PDK1: variants seen among roughly 807,000 people sequenced by gnomAD.
The protein encoded by PDK1 is pyruvate dehydrogenase kinase 1.
In PDK1, 39 loss-of-function variants were observed where a neutral mutation model predicts 54.2. The ratio of observed to expected loss-of-function variants is 0.72; its 90% CI spans 0.56 to 0.94. The LOEUF is 0.94. Among genes scored for constraint, PDK1 ranks in the 40% least tolerant of loss-of-function variants. The pLI is 0.00. For synonymous variants in PDK1, 221 were observed against 207.1 expected (o/e 1.07, Z -0.58); for missense variants, 552 against 566.0 (o/e 0.98, Z 0.25).
chr2:172,669,538 A>G, the PDK1 span, among the ~76,000 whole-genome samples: 1 of 152,092 alleles, frequency 6.6e-6, no homozygotes, highest in Non-Finnish European at 1.5e-5. Flanking sequence ...CTATATACCC[A>G]CTAGTGGGCT....
At chr2:172,666,090 TG>T in the PDK1 span, among the ~76,000 whole-genome samples, 1 of 152,216 alleles carries the variant, frequency 6.6e-6, no homozygotes, top group East Asian at 1.9e-4. Context: ...AATTAAGGCC[TG>T]ATGTTTTAGG....
chr2:172,632,024 C>A, the PDK1 span, among the ~76,000 whole-genome samples: 1 of 151,914 alleles, frequency 6.6e-6, no homozygotes, highest in South Asian at 2.1e-4. Context: ...ACCTGTAATC[C>A]CAGCACTTTG....
chr2:172,619,062 C>G, the PDK1 span, among the ~76,000 whole-genome samples: 1 of 152,190 alleles, frequency 6.6e-6, no homozygotes, highest in Non-Finnish European at 1.5e-5. Context: ...TCCTAGTACT[C>G]ATACATTTCT....
At chr2:172,634,544 A>G in the PDK1 span, among the ~76,000 whole-genome samples, 2 of 151,898 alleles carry the variant, frequency 1.3e-5, no homozygotes, top group African/African-American at 2.4e-5. Context: ...AAGTGCTGGG[A>G]TGCCAGGCGT....
At chr2:172,712,661 C>T in the PDK1 span, among the ~76,000 whole-genome samples, 3 of 152,144 alleles carry the variant, frequency 2.0e-5, no homozygotes, top group Non-Finnish European at 4.4e-5. Context: ...TTGGAGATAC[C>T]AGGAACCACA....
At chr2:172,557,627 G>A (rs1379036440) in intron 1 of PDK1, among the ~76,000 whole-genome samples, 2 of 151,106 alleles carry the variant, frequency 1.3e-5, no homozygotes, top group African/African-American at 4.9e-5. Context: ...GTGTGTGTGT[G>A]TGTGTGTGTG....
chr2:172,590,363 T>TA (rs1690498535), intron 9 of PDK1, among the ~76,000 whole-genome samples: 1 of 152,192 alleles, frequency 6.6e-6, no homozygotes, highest in Non-Finnish European at 1.5e-5. Context: ...TGGTGAGTGT[T>TA]ACAGTTTTTA....
the PDK1 span, among the ~76,000 whole-genome samples, chr2:172,700,022 C>A: frequency 6.6e-6 from 1 of 152,144 alleles, no homozygotes; most frequent in African/African-American, 2.4e-5. Context: ...GCCCTTAATC[C>A]ATTTAACCCT....
At chr2:172,666,598 G>C in the PDK1 span, among the ~76,000 whole-genome samples, 1 of 152,184 alleles carries the variant, frequency 6.6e-6, no homozygotes, top group East Asian at 1.9e-4. Flanking sequence ...AGGGGTACGA[G>C]CTGGAGTGGC....
At position 172,598,845 on chromosome 2, in the gene PDK1, T is replaced by A. The variant is rs571354828; in HGVS notation, c.*2876T>A. ...CCTTTTAAAAATATAGTCATCTCTT[T>A]TAAATAGAATCCTCTTCCACCATCA... On this transcript the variant is annotated 3_prime_UTR_variant, in exon 11 of 11. Coordinates refer to ENST00000282077, the MANE Select transcript of PDK1 (RefSeq NM_002610.5). 43 of 152,294 alleles carry A rather than the reference T, an allele frequency of 2.8e-4. No homozygotes were observed. The highest frequency in any genetic ancestry group is 9.6e-4 in the African/African-American group (40 of 41,570). 9.4% of individuals were successfully genotyped at this position (152,294 alleles called of 1,614,324 possible).
chr2:172,654,021 A>C, the PDK1 span, among the ~76,000 whole-genome samples: 17 of 152,240 alleles, frequency 1.1e-4, no homozygotes, highest in African/African-American at 3.9e-4. Context: ...CACATGAAAA[A>C]ATGCTCATTG....
chr2:172,618,426 T>C, the PDK1 span, among the ~76,000 whole-genome samples: 3 of 152,158 alleles, frequency 2.0e-5, no homozygotes, highest in Non-Finnish European at 4.4e-5. Context: ...CAACAAGCAA[T>C]AAAGATTAAA....
At chr2:172,555,739 G>C (rs1004301338), upstream of PDK1, 1 of 159,308 alleles carries the variant, frequency 6.3e-6, no homozygotes, top group Non-Finnish European at 1.4e-5. Flanking sequence ...GTTTCAAAAG[G>C]GTGCGGGAAG....
chr2:172,667,651 G>T, the PDK1 span, among the ~76,000 whole-genome samples: 1 of 152,164 alleles, frequency 6.6e-6, no homozygotes, highest in African/African-American at 2.4e-5. Context: ...TTCTTGTAAA[G>T]ACCATCTGAT....
the PDK1 span, among the ~76,000 whole-genome samples, chr2:172,689,422 G>T: frequency 6.6e-6 from 1 of 152,168 alleles, no homozygotes; most frequent in African/African-American, 2.4e-5. Flanking sequence ...TGGCCATATT[G>T]CCCAAAGTAA....
the PDK1 span, chr2:172,674,714 C>G: frequency 6.6e-6 from 1 of 152,330 alleles, no homozygotes; most frequent in Non-Finnish European, 1.5e-5. Flanking sequence ...TTGTCAAACT[C>G]TGGTTCTCAT....
Position 172,595,983 on chromosome 2 carries a change from A to G in PDK1, c.*14A>G, listed in dbSNP as rs144660950. On this transcript the variant is annotated 3_prime_UTR_variant, in exon 11 of 11. Coordinates refer to ENST00000282077, the MANE Select transcript of PDK1 (RefSeq NM_002610.5). ...CGCAGTGCCTAGACACACTTGGGAC[A>G]TCGGAAAATCCAAATGTGGCTTTTG... is the stretch of plus-strand genomic sequence containing the variant. 13 of 1,596,484 alleles carry G rather than the reference A, an allele frequency of 8.1e-6. No individual in the cohort carries two copies. Among genetic ancestry groups the G allele is most frequent in the Admixed American group, 1.7e-5 (1 of 57,842 alleles).
downstream of PDK1, among the ~76,000 whole-genome samples, chr2:172,610,344 C>T (rs1354312201): frequency 6.6e-6 from 1 of 152,096 alleles, no homozygotes; most frequent in Non-Finnish European, 1.5e-5. Context: ...GCACTGCCTG[C>T]CCCTACGATG....
At chr2:172,672,651 T>G in the PDK1 span, among the ~76,000 whole-genome samples, 3 of 152,120 alleles carry the variant, frequency 2.0e-5, no homozygotes, top group Non-Finnish European at 4.4e-5. Flanking sequence ...GATGCTTTTC[T>G]TTGTATTTTT....
Sources: gnomAD v4.1 joint callset for allele counts (sites outside exome capture counted in the v4.1 genomes callset) on GRCh38, gnomAD v4.1.1 for gene constraint, MANE v1.5 for transcripts, NCBI Gene and HGNC (gene_info 2026-07-23, HGNC 2026-07-21) for gene names.